TRIP11: variants seen among roughly 807,000 people sequenced by gnomAD.
TRIP11 encodes the protein thyroid hormone receptor interactor 11.
Under a neutral mutation model 223.1 loss-of-function variants are expected in TRIP11, and 148 were observed. The ratio of observed to expected loss-of-function variants is 0.66; its 90% CI spans 0.58 to 0.76. TRIP11 has a LOEUF of 0.76. TRIP11 is among the 30% of genes least tolerant of loss of function. TRIP11 has a pLI of 0.00. For synonymous variants in TRIP11, 762 were observed against 772.6 expected, an observed-to-expected ratio of 0.99 and a Z score of 0.23; for missense variants, 2,043 against 2,222.0, an observed-to-expected ratio of 0.92 and a Z score of 1.62.
rs2056628322 is a variant in TRIP11 at position 91,988,334 on chromosome 14, G to A, written c.5210C>T (p.Thr1737Ile). Reference protein sequence around the residue: ...NAALDSASRLTEQLDVKEEQI... With the variant: ...NAALDSASRLIEQLDVKEEQI... ...TTCTTCTTTTACATCTAACTGTTCT[G>A]TAAGTCTTGATGCTGAATCCAATGC... Residue 1737 changes from threonine (T) to isoleucine (I), a missense_variant, in exon 16 of 21, where the codon ACA (threonine) becomes ATA (isoleucine). Thr to Ile is a moderately conservative substitution (Grantham distance 89). Transcript: ENST00000267622. The A allele has an allele frequency of 2.5e-6, 4 of 1,613,602 alleles. No homozygotes were observed. In the South Asian group the frequency reaches 3.3e-5, roughly 13 times the overall value.
chr14:91,993,109 G>T (rs1317199234), intron 15 of TRIP11, among the ~76,000 whole-genome samples: 1 of 151,302 alleles, frequency 6.6e-6, no homozygotes, highest in Non-Finnish European at 1.5e-5. Flanking sequence ...AAGATTTAAT[G>T]GGATAATATA....
intron 11 of TRIP11, among the ~76,000 whole-genome samples, chr14:92,001,168 G>A (rs918507739): frequency 1.1e-4 from 17 of 151,904 alleles, no homozygotes; most frequent in South Asian, 8.3e-4. Context: ...GTCTACAGCC[G>A]TTTCTTTTCT....
Position 92,005,640 on chromosome 14 carries a change from T to G in TRIP11, c.2336A>C (p.Lys779Thr). The G allele has an allele frequency of 6.2e-7, 1 of 1,613,940 alleles. No individual in the cohort carries two copies. Among genetic ancestry groups the G allele is most frequent in the Non-Finnish European group, 8.5e-7 (1 of 1,180,024 alleles). Reference protein sequence around the residue: ...QKKDMEIAELKKNIEQMDTDH... With the variant: ...QKKDMEIAELTKNIEQMDTDH... ...AGTATCCATTTGTTCAATATTCTTTTTGAGTTCTGCTATTTCCATGTCTTT... is the reference window on the plus strand; with the variant it reads ...AGTATCCATTTGTTCAATATTCTTTGTGAGTTCTGCTATTTCCATGTCTTT... The change falls in exon 11 of 21, where the codon AAA (lysine) becomes ACA (threonine). Residue 779 changes from lysine to threonine, a missense_variant. Transcript: ENST00000267622.
rs772906406 is a variant in TRIP11, at chr14:92,005,764, T to G, written c.2212A>C (p.Lys738Gln). The change falls in exon 11 of 21, where the codon AAG becomes CAG. Residue 738 changes from lysine (K) to glutamine (Q), a missense_variant. Physicochemically the swap from Lys to Gln is moderately conservative, Grantham distance 53. Coordinates refer to ENST00000267622, the MANE Select transcript of TRIP11 (RefSeq NM_004239.4). ...AKKRLLEEAN[K>Q]YEKTIEELSN... is the part of the protein sequence containing the mutation. Reference sequence around the variant, plus strand: ...AGTTCTTCAATGGTTTTCTCATACTTGTTTGCTTCTTCCAACAGCCTCTTT... The same window carrying G: ...AGTTCTTCAATGGTTTTCTCATACTGGTTTGCTTCTTCCAACAGCCTCTTT... The G allele has an allele frequency of 4.2e-5, 68 of 1,613,986 alleles. No individual in the cohort carries two copies. In the Middle Eastern group the frequency reaches 8.2e-4, roughly 20 times the overall value.
intron 2 of TRIP11, among the ~76,000 whole-genome samples, chr14:92,032,916 T>C (rs189648556): frequency 3.3e-5 from 5 of 152,282 alleles, no homozygotes; most frequent in African/African-American, 1.2e-4. Flanking sequence ...CTCTGGATTA[T>C]GATAAATTAT....
intron 3 of TRIP11, 100 bp downstream of exon 3, chr14:92,025,190 ATTCATCACCTTTTCATATTT>A: frequency 1.3e-6 from 1 of 771,282 alleles, no homozygotes; most frequent in African/African-American, 1.7e-5. Flanking sequence ...AAATCATTAA[ATTCATCACCTTTTCATATTT>A]TTACAGATCT....
At chr14:92,000,211 AG>A in intron 11 of TRIP11, 103 bp from the exon 12 acceptor site, 1 of 1,528,840 alleles carries the variant, frequency 6.5e-7, no homozygotes. Context: ...ATTTTTAAAT[AG>A]GGCAGCCTCC....
chr14:92,023,679 C>G (rs2057142318), intron 3 of TRIP11, among the ~76,000 whole-genome samples: 1 of 152,168 alleles, frequency 6.6e-6, no homozygotes, highest in South Asian at 2.1e-4. Flanking sequence ...AGCTGTAAAC[C>G]CCTGGGTAGG....
intron 9 of TRIP11, among the ~76,000 whole-genome samples, chr14:92,010,549 ACTT>A (rs2056959091): frequency 6.6e-6 from 1 of 150,714 alleles, no homozygotes; most frequent in African/African-American, 2.4e-5. Flanking sequence ...AAAAAATAGA[ACTT>A]CTTTCTACCA....
intron 7 of TRIP11, 107 bp downstream of exon 7, chr14:92,014,108 G>T: frequency 6.8e-7 from 1 of 1,468,258 alleles, no homozygotes; most frequent in Non-Finnish European, 9.3e-7. Context: ...GTCATTTCCA[G>T]GAATATGCCA....
intron 16 of TRIP11, among the ~76,000 whole-genome samples, chr14:91,987,961 CG>C (rs1482252660): frequency 6.6e-6 from 1 of 152,176 alleles, no homozygotes; most frequent in Non-Finnish European, 1.5e-5. Flanking sequence ...GCAAGATGCA[CG>C]TGAACTGATA....
intron 2 of TRIP11, among the ~76,000 whole-genome samples, chr14:92,031,191 T>C (rs1161485040): frequency 6.6e-6 from 1 of 152,150 alleles, no homozygotes; most frequent in Non-Finnish European, 1.5e-5. Flanking sequence ...CGATCTTGGC[T>C]CACTGCAACC....
Position 91,999,327 on chromosome 14 carries a change from G to T in TRIP11, c.4805C>A (p.Ala1602Glu). Residue 1602 changes from alanine (A) to glutamate (E), a missense_variant, in exon 13 of 21, where the codon GCA becomes GAA. Transcript: ENST00000267622. ...EDSYTREALA[A>E]EDREAKLRKK... ...TCTTAGTTTAGCCTCTCTATCTTCT[G>T]CAGCCAAAGCTTCACGGGTATAAGA... 1 of 1,613,852 alleles carries T rather than the reference G, an allele frequency of 6.2e-7. No individual in the cohort carries two copies. The highest frequency in any genetic ancestry group is 8.5e-7 in the Non-Finnish European group (1 of 1,179,906).
At chr14:91,972,896 T>C (rs2056416948) in intron 19 of TRIP11, 35 bp from the exon 20 acceptor site, 1 of 1,547,076 alleles carries the variant, frequency 6.5e-7, no homozygotes, top group African/African-American at 1.4e-5. Context: ...TTAGGCTAGA[T>C]AATTAAGTTA....
intron 3 of TRIP11, among the ~76,000 whole-genome samples, chr14:92,024,181 C>T (rs1004704509): frequency 6.6e-6 from 1 of 152,032 alleles, no homozygotes; most frequent in African/African-American, 2.4e-5. Flanking sequence ...AGTTCAAGAC[C>T]AGCCTGGCCA....
intron 11 of TRIP11, among the ~76,000 whole-genome samples, chr14:92,001,698 G>A (rs1444830650): frequency 6.6e-6 from 1 of 152,044 alleles, no homozygotes. Context: ...TGTACAAAAC[G>A]CTAAAACTCC....
At chr14:91,974,771 T>C in intron 18 of TRIP11, 28 bp from the exon 19 acceptor site, 1 of 1,511,126 alleles carries the variant, frequency 6.6e-7, no homozygotes, top group African/African-American at 1.4e-5. Flanking sequence ...AACAGACAAA[T>C]ATTATCAGTA....
intron 15 of TRIP11, among the ~76,000 whole-genome samples, chr14:91,992,979 T>C (rs2056698179): frequency 6.8e-6 from 1 of 146,408 alleles, no homozygotes; most frequent in African/African-American, 2.5e-5. Flanking sequence ...GTTGTTTTGG[T>C]GTCCTATCTC....
intron 11 of TRIP11, among the ~76,000 whole-genome samples, chr14:92,001,614 TC>T (rs1347922875): frequency 1.3e-5 from 2 of 152,196 alleles, no homozygotes; most frequent in Non-Finnish European, 2.9e-5. Flanking sequence ...TAGGGAAGCT[TC>T]CTAAAAGTGA....
Sources: allele counts gnomAD v4.1 joint callset (sites outside exome capture counted in the v4.1 genomes callset), GRCh38; gene constraint gnomAD v4.1.1; transcripts MANE v1.5; gene names NCBI Gene and HGNC (gene_info 2026-07-23, HGNC 2026-07-21).